RANBP2: variants seen among roughly 807,000 people sequenced by gnomAD.
The protein encoded by RANBP2 is E3 SUMO-protein ligase RanBP2.
In RANBP2, 57 loss-of-function variants were observed where a neutral mutation model predicts 303.6. The ratio of observed to expected loss-of-function variants is 0.19; its 90% CI spans 0.15 to 0.23. The LOEUF is 0.23. RANBP2 is among the 10% of genes least tolerant of loss of function. RANBP2 has a pLI of 1.00. For missense variants in RANBP2, 3,138 were observed against 3,780.8 expected, an observed-to-expected ratio of 0.83 and a Z score of 4.46; for synonymous variants, 1,167 against 1,301.5, an observed-to-expected ratio of 0.90 and a Z score of 2.23.
chr2:109,736,995 G>A, the RANBP2 span: 1 of 268,226 alleles, frequency 3.7e-6, no homozygotes, highest in Non-Finnish European at 7.1e-6. Flanking sequence ...AAATAAGTGA[G>A]TGGAGGCCCA....
chr2:109,447,904 T>G, the RANBP2 span, among the ~76,000 whole-genome samples: 1 of 152,224 alleles, frequency 6.6e-6, no homozygotes, highest in Non-Finnish European at 1.5e-5. Context: ...GTTCCAGTTT[T>G]GTAAACCTGG....
At chr2:109,229,145 C>G in the RANBP2 span, among the ~76,000 whole-genome samples, 1 of 152,178 alleles carries the variant, frequency 6.6e-6, no homozygotes, top group Non-Finnish European at 1.5e-5. Context: ...CAGAAAATTA[C>G]CAGGGATTTA....
At chr2:109,220,788 A>G in the RANBP2 span, among the ~76,000 whole-genome samples, 1 of 152,244 alleles carries the variant, frequency 6.6e-6, no homozygotes, top group Admixed American at 6.5e-5. Flanking sequence ...ATGTGGAGAA[A>G]TTGTTATGCT....
chr2:109,452,723 G>C, the RANBP2 span, among the ~76,000 whole-genome samples: 7 of 152,150 alleles, frequency 4.6e-5, no homozygotes, highest in African/African-American at 1.7e-4. Context: ...GTTCCCGGGA[G>C]GCTTGTGCCA....
At chr2:108,902,892 G>T in the RANBP2 span, among the ~76,000 whole-genome samples, 1 of 152,118 alleles carries the variant, frequency 6.6e-6, no homozygotes, top group African/African-American at 2.4e-5. Flanking sequence ...GTGCTGGAAG[G>T]TATAGCCAGT....
the RANBP2 span, among the ~76,000 whole-genome samples, chr2:109,704,922 G>A: frequency 6.6e-6 from 1 of 152,104 alleles, no homozygotes; most frequent in African/African-American, 2.4e-5. Flanking sequence ...GCAATTCAGT[G>A]TAAGTCAGAA....
the RANBP2 span, among the ~76,000 whole-genome samples, chr2:109,143,557 A>AC: frequency 6.6e-6 from 1 of 152,156 alleles, no homozygotes; most frequent in Non-Finnish European, 1.5e-5. Context: ...AGCCTGGGCA[A>AC]CATAGCAAGT....
chr2:109,070,421 T>G, the RANBP2 span, among the ~76,000 whole-genome samples: 1 of 152,178 alleles, frequency 6.6e-6, no homozygotes, highest in Non-Finnish European at 1.5e-5. Context: ...AAATCTCGTG[T>G]TGAAATGTGA....
At chr2:109,687,511 A>G in the RANBP2 span, among the ~76,000 whole-genome samples, 1 of 152,006 alleles carries the variant, frequency 6.6e-6, no homozygotes, top group Non-Finnish European at 1.5e-5. Context: ...TGTGAGGCCA[A>G]TCTCGCACCA....
chr2:109,197,028 G>A, the RANBP2 span, among the ~76,000 whole-genome samples: 2 of 152,208 alleles, frequency 1.3e-5, no homozygotes, highest in African/African-American at 4.8e-5. Context: ...GTGAGTGGGT[G>A]CCACTGTTTT....
At chr2:108,978,524 A>G in the RANBP2 span, among the ~76,000 whole-genome samples, 11 of 152,338 alleles carry the variant, frequency 7.2e-5, no homozygotes, top group Middle Eastern at 3.4e-3. Flanking sequence ...GGGCTTAGGG[A>G]ACATGCAGAT....
At chr2:108,928,634 T>C in the RANBP2 span, among the ~76,000 whole-genome samples, 5 of 152,172 alleles carry the variant, frequency 3.3e-5, no homozygotes, top group Non-Finnish European at 7.3e-5. Context: ...TTTCTGGGGA[T>C]TGAGAGTCTG....
chr2:109,235,804 G>T, the RANBP2 span, among the ~76,000 whole-genome samples: 2 of 152,140 alleles, frequency 1.3e-5, no homozygotes, highest in African/African-American at 4.8e-5. Context: ...TCATCTTCAC[G>T]TGCACTCGGC....
At chr2:109,646,442 A>G in the RANBP2 span, among the ~76,000 whole-genome samples, 13 of 152,186 alleles carry the variant, frequency 8.5e-5, no homozygotes, top group Admixed American at 4.6e-4. Context: ...CTGAGGCAAA[A>G]GGAGTAATGC....
the RANBP2 span, among the ~76,000 whole-genome samples, chr2:109,011,558 G>A: frequency 3.3e-5 from 5 of 152,116 alleles, no homozygotes; most frequent in Admixed American, 6.5e-5. Flanking sequence ...TGTGTTGGGC[G>A]CTCAGTGGGC....
the RANBP2 span, among the ~76,000 whole-genome samples, chr2:109,254,833 G>A: frequency 2.0e-5 from 3 of 151,968 alleles, no homozygotes; most frequent in Admixed American, 2.0e-4. Context: ...GCACTGCCTC[G>A]CCAGGGCAGT....
the RANBP2 span, among the ~76,000 whole-genome samples, chr2:109,560,799 T>G: frequency 5.3e-5 from 8 of 152,182 alleles, no homozygotes; most frequent in Middle Eastern, 3.4e-3. Context: ...AACCATAAAT[T>G]CAGGAGACTA....
chr2:108,877,871 A>G, the RANBP2 span, among the ~76,000 whole-genome samples: 1 of 152,234 alleles, frequency 6.6e-6, no homozygotes, highest in East Asian at 1.9e-4. Flanking sequence ...AAAAGCACAA[A>G]CAAAAGCCAG....
the RANBP2 span, among the ~76,000 whole-genome samples, chr2:108,950,282 T>C: frequency 6.6e-6 from 1 of 151,320 alleles, no homozygotes; most frequent in African/African-American, 2.4e-5. Flanking sequence ...TTTCTTTCTT[T>C]TTTTTCTTTT....
Sources: gnomAD v4.1 joint callset for allele counts (sites outside exome capture counted in the v4.1 genomes callset) on GRCh38, gnomAD v4.1.1 for gene constraint, MANE v1.5 for transcripts, NCBI Gene and HGNC (gene_info 2026-07-23, HGNC 2026-07-21) for gene names.